The following TNK1 variants were observed in gnomAD, a reference collection of about 807,000 sequenced individuals.
TNK1 encodes the protein tyrosine kinase non receptor 1, also known as non-receptor tyrosine-protein kinase TNK1.
A neutral mutation model predicts 65.2 loss-of-function variants in TNK1; 53 were observed. The ratio of observed to expected loss-of-function variants is 0.81; its 90% CI spans 0.65 to 1.02. The LOEUF is 1.02. Among genes scored for constraint, TNK1 ranks in the 50% least tolerant of loss-of-function variants. The pLI is 0.00. For missense variants in TNK1, 837 were observed against 878.4 expected (o/e 0.95, Z 0.60); for synonymous variants, 353 against 364.6 (o/e 0.97, Z 0.36).
In TNK1 at chr17:7,382,044, G is replaced by A. The variant is rs974388803; in HGVS notation, c.-91-792G>A. 7.2e-5 allele frequency among the ~76,000 whole-genome samples: 11 copies of A among 152,218 alleles called. No homozygotes were observed. Among genetic ancestry groups the A allele is most frequent in the African/African-American group, 2.7e-4 (11 of 41,458 alleles). Reference sequence around the variant, plus strand: ...GCACTTTGGGTGGCCGAGGCGGGCGGATCACGAGGTCAGGAGTTCAAGACC... The same window carrying A: ...GCACTTTGGGTGGCCGAGGCGGGCGAATCACGAGGTCAGGAGTTCAAGACC... On this transcript the variant is annotated intron_variant, in intron 1 of 12. Coordinates refer to ENST00000688331, the MANE Select transcript of TNK1 (RefSeq NM_003985.6). This position sits in a 1 kb window ranked among gnomAD's most constrained non-coding sequence, Gnocchi z 4.1.
At chr17:7,383,659 C>T in intron 4 of TNK1, 43 bp downstream of exon 4, 6 of 1,599,454 alleles carry the variant, frequency 3.8e-6, no homozygotes, top group Non-Finnish European at 4.3e-6. Flanking sequence ...CAGCTGCCCC[C>T]TCTGTTCTTC....
intron 6 of TNK1, 28 bp downstream of exon 6, chr17:7,384,281 C>T (rs1905045007): frequency 1.4e-6 from 2 of 1,442,398 alleles, no homozygotes; most frequent in Non-Finnish European, 1.8e-6. Flanking sequence ...GGCGGTCGGG[C>T]TCTGAGCCGG....
At position 7,387,431 on chromosome 17, in the gene TNK1, G is replaced by A; in HGVS notation, c.1451G>A (p.Arg484Lys). The A allele has an allele frequency of 1.2e-6, 2 of 1,602,522 alleles. No individual in the cohort carries two copies. The highest frequency in any genetic ancestry group is 1.7e-6 in the Non-Finnish European group (2 of 1,175,064). The change falls in exon 10 of 13, where the codon AGG becomes AAG. Residue 484 changes from arginine to lysine, a missense_variant. Coordinates refer to ENST00000688331, the MANE Select transcript of TNK1 (RefSeq NM_003985.6). ...GCGCCCCCAGCACGGGGCCAGAGGA[G>A]GAACATGCCCCTGGAGAGGATGAAA... The part of the protein sequence containing the change: ...WDAPPARGQR[R>K]NMPLERMKGI...
In TNK1 at chr17:7,389,137, G is replaced by A. The variant is rs1905419071; in HGVS notation, c.*53G>A. On this transcript the variant is annotated 3_prime_UTR_variant, in exon 13 of 13. Transcript: ENST00000688331. ...GCATGAAAAGCCTAGGCCCCTGAGGGCCTGGCCACATGGGACCAAGCGGAA... is the reference window on the plus strand; with the variant it reads ...GCATGAAAAGCCTAGGCCCCTGAGGACCTGGCCACATGGGACCAAGCGGAA... The A allele has an allele frequency of 1.4e-6, 2 of 1,443,448 alleles. No individual in the cohort carries two copies. The highest frequency in any genetic ancestry group is 2.0e-5 in the Admixed American group (1 of 50,528). 89.4% of individuals were successfully genotyped at this position (1,443,448 alleles called of 1,614,324 possible).
At chr17:7,386,846 C>A (rs550882865) in intron 8 of TNK1, 144 bp from the exon 9 acceptor site, 75 of 1,244,290 alleles carry the variant, frequency 6.0e-5, no homozygotes, top group Non-Finnish European at 7.7e-5. Flanking sequence ...CCCATAGAGC[C>A]TTATTGCATT....
intron 2 of TNK1, 44 bp downstream of exon 2, chr17:7,383,133 C>G: frequency 6.2e-7 from 1 of 1,612,436 alleles, no homozygotes; most frequent in Middle Eastern, 1.7e-4. Flanking sequence ...CTGTCCACAG[C>G]CTATCAGTTG....
intron 1 of TNK1, among the ~76,000 whole-genome samples, chr17:7,381,330 C>A (rs569004286): frequency 6.6e-6 from 1 of 152,328 alleles, no homozygotes; most frequent in African/African-American, 2.4e-5. Flanking sequence ...CCTTCCCAAC[C>A]CAACCCTGTT....
Position 7,384,629 on chromosome 17 carries a change from G to A in TNK1, c.1012G>A (p.Asp338Asn), listed in dbSNP as rs763873942. The A allele has an allele frequency of 1.2e-5, 20 of 1,611,056 alleles. No individual in the cohort carries two copies. In the East Asian group the frequency reaches 4.5e-4, roughly 36 times the overall value. The change falls in exon 7 of 13, where the codon GAC (aspartate) becomes AAC (asparagine). Residue 338 changes from aspartate to asparagine, a missense_variant. Physicochemically the swap from Asp to Asn is conservative, Grantham distance 23 (BLOSUM62 1). Coordinates refer to ENST00000688331, the MANE Select transcript of TNK1 (RefSeq NM_003985.6). ...GTACCTCATCCTGCAGCGGCTGGAG[G>A]ACAGAGCCCGGCTGCCTAGGCCTCC... ...PPYLILQRLE[D>N]RARLPRPPLC...
Position 7,383,834 on chromosome 17 carries a change from C to T in TNK1, c.552C>T (p.His184=), listed in dbSNP as rs1054328511. 2.5e-6 allele frequency: 4 copies of T among 1,611,358 alleles called. No individual in the cohort carries two copies. Among genetic ancestry groups the T allele is most frequent in the African/African-American group, 2.7e-5 (2 of 74,898 alleles). The change falls in exon 5 of 13, where the codon CAC becomes CAT. Residue 184 remains histidine, a synonymous_variant. Coordinates refer to ENST00000688331, the MANE Select transcript of TNK1 (RefSeq NM_003985.6). ...NLEHPHVLRL[H]GLVLGQPLQM... ...AGCACCCACACGTGCTGCGTCTGCA[C>T]GGCCTTGTACTGGGCCAGCCTCTGC...
At position 7,382,804 on chromosome 17, in the gene TNK1, C is replaced by G. The variant is rs1904893702; in HGVS notation, c.-91-32C>G. The G allele has an allele frequency of 7.6e-6, 8 of 1,056,088 alleles. No homozygotes were observed. In the South Asian group the frequency reaches 9.5e-5, roughly 13 times the overall value. The allele number at this position is 1,056,088 out of a possible 1,614,324, so 65.4% of individuals were successfully genotyped here. ...CTGGCTGTCTCTGCTGTGTCCCTGC[C>G]TCTGTACCTGAGTGTTTCTAATGAC... On this transcript the variant is annotated intron_variant, in intron 1 of 12. Transcript: ENST00000688331. This position sits in a 1 kb window ranked among gnomAD's most constrained non-coding sequence, Gnocchi z 4.1.
At chr17:7,386,223 G>A (rs1272636085) in intron 7 of TNK1, among the ~76,000 whole-genome samples, 1 of 152,170 alleles carries the variant, frequency 6.6e-6, no homozygotes, top group Non-Finnish European at 1.5e-5. Flanking sequence ...GAGGGTAGAG[G>A]CGGTGGGGCT....
intron 1 of TNK1, among the ~76,000 whole-genome samples, chr17:7,381,396 C>T (rs975093910): frequency 5.3e-5 from 8 of 152,210 alleles, no homozygotes; most frequent in South Asian, 2.1e-4. Flanking sequence ...CCTCGATCCT[C>T]TTCTTCCTCC....
intron 7 of TNK1, among the ~76,000 whole-genome samples, chr17:7,385,545 C>T (rs964934979): frequency 6.6e-6 from 1 of 150,746 alleles, no homozygotes; most frequent in Non-Finnish European, 1.5e-5. Flanking sequence ...ATGCTCTCAA[C>T]CACTGGATGA....
Position 7,383,435 on chromosome 17 carries a change from G to GA in TNK1, c.245_246insA (p.Ala84CysfsTer3), listed in dbSNP as rs754965376. 2 of 1,613,966 alleles carry GA rather than the reference G, an allele frequency of 1.2e-6. No homozygotes were observed. The highest frequency in any genetic ancestry group is 1.7e-6 in the Non-Finnish European group (2 of 1,179,888). ...CCATCCCTGTTTCAGATCCTTGGAG[G>GA]TTTTGCCCCTGAGCACAAGGAGCCC... On this transcript the variant is annotated frameshift_variant, in exon 4 of 13. Transcript: ENST00000688331. LOFTEE classifies it high-confidence loss of function.
At position 7,382,984 on chromosome 17, in the gene TNK1, G is replaced by A. The variant is rs763044398; in HGVS notation, c.58G>A (p.Ala20Thr). 2.5e-6 allele frequency: 4 copies of A among 1,613,982 alleles called. No homozygotes were observed. The East Asian group carries it at 8.9e-5, about 36-fold the overall frequency. ...GAAGCTGCTCCGGGACATCCAGTTGGCCCAGTTTTACTGGCCCATCCTTGA... is the reference window on the plus strand; with the variant it reads ...GAAGCTGCTCCGGGACATCCAGTTGACCCAGTTTTACTGGCCCATCCTTGA... Reference protein sequence around the residue: ...LLKLLRDIQLAQFYWPILEEL... With the variant: ...LLKLLRDIQLTQFYWPILEEL... Residue 20 changes from alanine (A) to threonine (T), a missense_variant, in exon 2 of 13, where the codon GCC becomes ACC. Coordinates refer to ENST00000688331, the MANE Select transcript of TNK1 (RefSeq NM_003985.6). This position sits in a 1 kb window ranked among gnomAD's most constrained non-coding sequence, Gnocchi z 4.1.
chr17:7,389,061 C>G lies in TNK1; in HGVS notation c.1963C>G (p.Arg655Gly), dbSNP rs770830814. The stretch of plus-strand genomic sequence containing the variant: ...CCAGTGGGACCTCTCAGCTGCCAGC[C>G]GCTATGTCCTGGCCAGGCCCTGAGC... ...HYQWDLSAAS[R>G]YVLARP The change falls in exon 13 of 13, where the codon CGC (arginine) becomes GGC (glycine). Residue 655 changes from arginine (R) to glycine (G), a missense_variant. Physicochemically the swap from Arg to Gly is moderately radical, Grantham distance 125. Coordinates refer to ENST00000688331, the MANE Select transcript of TNK1 (RefSeq NM_003985.6). 6.4e-7 allele frequency: 1 copy of G among 1,553,474 alleles called. No individual in the cohort carries two copies. The highest frequency in any genetic ancestry group is 2.0e-5 in the Admixed American group (1 of 51,232).
chr17:7,386,845 C>T, intron 8 of TNK1, 145 bp from the exon 9 acceptor site: 1 of 1,235,148 alleles, frequency 8.1e-7, no homozygotes, highest in Non-Finnish European at 1.1e-6. Flanking sequence ...GCCCATAGAG[C>T]CTTATTGCAT....
rs8078734 is a variant in TNK1 at position 7,389,713 on chromosome 17, C to T, written c.*629C>T. The T allele has an allele frequency of 6.0e-6, 1 of 166,882 alleles. No homozygotes were observed. Among genetic ancestry groups the T allele is most frequent in the African/African-American group, 2.4e-5 (1 of 42,000 alleles). 10.3% of individuals were successfully genotyped at this position (166,882 alleles called of 1,614,324 possible). On this transcript the variant is annotated 3_prime_UTR_variant, in exon 13 of 13. Coordinates refer to ENST00000688331, the MANE Select transcript of TNK1 (RefSeq NM_003985.6). ...CCATACCAACTGCTTCTACCCTCCC[C>T]TATTACATACATCTTTCAATGTCCA...
intron 9 of TNK1, 104 bp from the exon 10 acceptor site, chr17:7,387,274 C>CCCTGGGT: frequency 1.3e-6 from 2 of 1,503,636 alleles, no homozygotes; most frequent in South Asian, 2.6e-5. Flanking sequence ...CCACCCTGGG[C>CCCTGGGT]CCTGGGTCTC....
Sources: gnomAD v4.1 joint callset for allele counts (sites outside exome capture counted in the v4.1 genomes callset) on GRCh38, gnomAD v4.1.1 for gene constraint, Gnocchi (gnomAD v3.1) non-coding constraint, MANE v1.5 for transcripts, NCBI Gene and HGNC (gene_info 2026-07-23, HGNC 2026-07-21) for gene names.